Variants in PEX5L observed in about 807,000 individuals in gnomAD.
PEX5L encodes the protein PEX5-related protein.
A neutral mutation model predicts 84.0 loss-of-function variants in PEX5L; 30 were observed. The observed-to-expected ratio is 0.36, with a 90% CI of 0.27 to 0.48. PEX5L has a LOEUF of 0.48. PEX5L is among the 20% of genes least tolerant of loss of function. The pLI is 0.99. For synonymous variants in PEX5L, 270 were observed against 283.1 expected (o/e 0.95, Z 0.46); for missense variants, 533 against 754.6 (o/e 0.71, Z 3.44).
At chr3:180,029,506 G>C (rs1245501402) in intron 1 of PEX5L, among the ~76,000 whole-genome samples, 3 of 152,164 alleles carry the variant, frequency 2.0e-5, no homozygotes, top group Non-Finnish European at 4.4e-5. Context: ...CAACAAATTG[G>C]CTGGTCGTTA....
chr3:179,858,583 T>C (rs1328780648), intron 8 of PEX5L, among the ~76,000 whole-genome samples: 3 of 152,158 alleles, frequency 2.0e-5, no homozygotes, highest in Admixed American at 1.3e-4. Context: ...GACAATCCAT[T>C]AGCTAGAATA....
intron 1 of PEX5L, among the ~76,000 whole-genome samples, chr3:179,983,676 CT>C (rs888634521): frequency 7.2e-5 from 11 of 151,846 alleles, no homozygotes; most frequent in Admixed American, 2.0e-4. Context: ...GGGACCCTGG[CT>C]TTTTTTCTTT....
At chr3:179,886,890 G>A (rs1299305952) in intron 4 of PEX5L, among the ~76,000 whole-genome samples, 6 of 152,044 alleles carry the variant, frequency 3.9e-5, no homozygotes, top group East Asian at 1.9e-4. Context: ...ATTAAATTCC[G>A]CTCTGCACAT....
chr3:179,945,994 T>C lies in PEX5L; in HGVS notation c.93+25600A>G, dbSNP rs1282218364. ...AAGCCAAATTGAGTGTACAGATAGA[T>C]GTGTTGATCTGCAGTACTGAAAGTT... is the stretch of plus-strand genomic sequence containing the variant. On this transcript the variant is annotated intron_variant, in intron 2 of 14. Coordinates refer to ENST00000467460, the MANE Select transcript of PEX5L (RefSeq NM_016559.3). Among the ~76,000 whole-genome samples, 4 of 151,446 alleles carry C rather than the reference T, an allele frequency of 2.6e-5. No individual in the cohort carries two copies. The East Asian group carries it at 7.7e-4, about 29-fold the overall frequency.
At chr3:180,004,597 T>C (rs557298924) in intron 1 of PEX5L, among the ~76,000 whole-genome samples, 21 of 152,200 alleles carry the variant, frequency 1.4e-4, no homozygotes, top group African/African-American at 5.1e-4. Flanking sequence ...TTTTGTTTTG[T>C]TTTGTTTTGT....
At chr3:180,019,536 C>A (rs1345057008) in intron 1 of PEX5L, among the ~76,000 whole-genome samples, 4 of 152,128 alleles carry the variant, frequency 2.6e-5, no homozygotes, top group Non-Finnish European at 5.9e-5. Flanking sequence ...TAGAAGCATA[C>A]CTTGAGGTTC....
At chr3:179,879,847 A>T in intron 5 of PEX5L, 82 bp downstream of exon 5, 1 of 951,168 alleles carries the variant, frequency 1.1e-6, no homozygotes, top group Non-Finnish European at 1.6e-6. Context: ...TTCTCTGTTT[A>T]ATGCCATTGG....
At chr3:179,810,124 C>T (rs575067613) in intron 11 of PEX5L, among the ~76,000 whole-genome samples, 1 of 144,564 alleles carries the variant, frequency 6.9e-6, no homozygotes, top group East Asian at 2.2e-4. Flanking sequence ...AGCGATTTTC[C>T]TGCCTCAGCG....
intron 1 of PEX5L, among the ~76,000 whole-genome samples, chr3:180,034,441 T>C (rs747990226): frequency 2.0e-5 from 3 of 152,202 alleles, no homozygotes; most frequent in South Asian, 2.1e-4. Flanking sequence ...AGGAAGATGA[T>C]AGTATCTCTG....
intron 1 of PEX5L, among the ~76,000 whole-genome samples, chr3:180,003,384 T>TAAAAAAAAGA (rs1553926162): frequency 1.0e-4 from 15 of 149,882 alleles, no homozygotes; most frequent in African/African-American, 3.2e-4. Context: ...GACTGGGCAC[T>TAAAAAAAAGA]AAAAAAAAGA....
At chr3:179,895,243 C>CT (rs1284044539) in intron 3 of PEX5L, among the ~76,000 whole-genome samples, 17 of 152,014 alleles carry the variant, frequency 1.1e-4, no homozygotes, top group African/African-American at 3.9e-4. Context: ...ATAGTTTACA[C>CT]TTTTTTTGAT....
At chr3:179,832,297 C>T (rs1419261513) in intron 8 of PEX5L, among the ~76,000 whole-genome samples, 1 of 151,944 alleles carries the variant, frequency 6.6e-6, no homozygotes, top group African/African-American at 2.4e-5. Flanking sequence ...TTGGGTGATC[C>T]TATTCACCAA....
rs1284144610 is a variant in PEX5L at position 179,800,465 on chromosome 3, AAT to A, written c.*1361_*1362del. 5 of 152,206 alleles carry A rather than the reference AAT, an allele frequency of 3.3e-5. No homozygotes were observed. Among genetic ancestry groups the A allele is most frequent in the Non-Finnish European group, 7.3e-5 (5 of 68,040 alleles). The allele number at this position is 152,206 out of a possible 1,614,324, so 9.4% of individuals were successfully genotyped here. A position where few individuals can be genotyped will look rare whatever the true frequency, so the allele number is the denominator to read the frequency against. On this transcript the variant is annotated 3_prime_UTR_variant, in exon 15 of 15. Coordinates refer to ENST00000467460, the MANE Select transcript of PEX5L (RefSeq NM_016559.3). ...ATATTCTGATTAGCATTTTGCAAAA[AAT>A]GTTCCTAATTCTTTAAAAAATGTAT... is the stretch of plus-strand genomic sequence containing the variant.
chr3:180,007,049 C>A (rs767465575), intron 1 of PEX5L, among the ~76,000 whole-genome samples: 2 of 152,170 alleles, frequency 1.3e-5, no homozygotes, highest in Non-Finnish European at 2.9e-5. Flanking sequence ...CAAAAGTCCA[C>A]AGTCCAAAGT....
rs115509326 is a variant in PEX5L, at chr3:179,939,580, C to T, written c.93+32014G>A. ...TATGTGTTAACTACAGATACATAGACTTCTGGGCCCAGAGGAGAACTTAGA... is the reference window on the plus strand; with the variant it reads ...TATGTGTTAACTACAGATACATAGATTTCTGGGCCCAGAGGAGAACTTAGA... On this transcript the variant is annotated intron_variant, in intron 2 of 14. Transcript: ENST00000467460. 3.5e-3 allele frequency among the ~76,000 whole-genome samples: 540 copies of T among 152,318 alleles called. 6 individuals are homozygous for T. Among genetic ancestry groups the T allele is most frequent in the African/African-American group, 0.012 (512 of 41,566 alleles).
At chr3:179,824,924 G>T (rs574500805) in intron 8 of PEX5L, among the ~76,000 whole-genome samples, 16 of 152,326 alleles carry the variant, frequency 1.1e-4, no homozygotes, top group African/African-American at 3.6e-4. Flanking sequence ...TGTTGAGTAA[G>T]AGCTCAATAC....
chr3:179,803,576 C>T (rs758908307), intron 14 of PEX5L, among the ~76,000 whole-genome samples: 33 of 152,170 alleles, frequency 2.2e-4, no homozygotes, highest in Non-Finnish European at 4.0e-4. Context: ...CCCCATTTCA[C>T]CCCAACCTTG....
intron 2 of PEX5L, among the ~76,000 whole-genome samples, chr3:179,964,215 T>C (rs749680676): frequency 3.9e-5 from 6 of 152,124 alleles, no homozygotes; most frequent in Non-Finnish European, 8.8e-5. Context: ...CCATATGTAA[T>C]TGATGTTTAG....
chr3:179,808,176 G>C, intron 13 of PEX5L, 96 bp downstream of exon 13: 8 of 1,010,786 alleles, frequency 7.9e-6, no homozygotes, highest in Non-Finnish European at 1.1e-5. Flanking sequence ...TGGAGTCAGG[G>C]AAATAAAGTG....
Sources: gnomAD v4.1 joint callset for allele counts (sites outside exome capture counted in the v4.1 genomes callset) on GRCh38, gnomAD v4.1.1 for gene constraint, MANE v1.5 for transcripts, NCBI Gene and HGNC (gene_info 2026-07-23, HGNC 2026-07-21) for gene names.